PTGFRN: variants seen among roughly 807,000 people sequenced by gnomAD.
The protein encoded by PTGFRN is prostaglandin F2 receptor inhibitor, also known as prostaglandin F2 receptor negative regulator.
A neutral mutation model predicts 83.2 loss-of-function variants in PTGFRN; 35 were observed. That is an observed-to-expected ratio of 0.42 (90% CI 0.32 to 0.56). The LOEUF (loss-of-function observed/expected upper bound fraction) is 0.56. PTGFRN is among the 20% of genes least tolerant of loss of function. PTGFRN has a pLI of 0.11. For missense variants in PTGFRN, 1,051 were observed against 1,179.5 expected (o/e 0.89, Z 1.60); for synonymous variants, 519 against 498.6 (o/e 1.04, Z -0.55).
intron 7 of PTGFRN, among the ~76,000 whole-genome samples, chr1:116,978,277 C>T (rs577514028): frequency 2.0e-5 from 3 of 152,242 alleles, no homozygotes; most frequent in Admixed American, 1.3e-4. Context: ...GATTCACAGC[C>T]GAATTCTACC....
intron 4 of PTGFRN, among the ~76,000 whole-genome samples, chr1:116,950,656 C>T (rs1233491507): frequency 1.3e-5 from 2 of 151,260 alleles, no homozygotes; most frequent in East Asian, 3.9e-4. Flanking sequence ...TTTTTTTCCT[C>T]CCCAGTAAGC....
Position 116,942,068 on chromosome 1 carries a change from A to G in PTGFRN, c.403A>G (p.Thr135Ala), listed in dbSNP as rs771688649. The change falls in exon 2 of 9, where the codon ACA (threonine) becomes GCA (alanine). Residue 135 changes from threonine (T) to alanine (A), a missense_variant. Thr to Ala is a moderately conservative substitution (Grantham distance 58, BLOSUM62 0). Transcript: ENST00000393203. ...CACTGTCCAGGGAAACTATGAGGAC[A>G]CAGTGCAGGTTAAAGGTACAGTCCT... is the stretch of plus-strand genomic sequence containing the variant. ...DATVQGNYED[T>A]VQVKVLADSL... 6.2e-7 allele frequency: 1 copy of G among 1,613,508 alleles called. No individual in the cohort carries two copies. Among genetic ancestry groups the G allele is most frequent in the Non-Finnish European group, 8.5e-7 (1 of 1,179,540 alleles).
chr1:116,956,857 T>C (rs1287725304), intron 4 of PTGFRN, among the ~76,000 whole-genome samples: 1 of 152,186 alleles, frequency 6.6e-6, no homozygotes, highest in Non-Finnish European at 1.5e-5. Context: ...TCACTTCTAT[T>C]TGCAAATATT....
chr1:116,909,985 G>A lies in PTGFRN; in HGVS notation c.-219G>A. On this transcript the variant is annotated 5_prime_UTR_variant, in exon 1 of 9. Transcript: ENST00000393203. ...GCGGGGCCGGCTCCCGGGCCCGGCC[G>A]GCTGGAGGAGGGAGGGAAGGAGGCG... is the stretch of plus-strand genomic sequence containing the variant. The A allele has an allele frequency of 3.4e-6, 2 of 588,140 alleles. No individual in the cohort carries two copies. Among genetic ancestry groups the A allele is most frequent in the South Asian group, 1.9e-5 (1 of 51,394 alleles). 36.4% of individuals were successfully genotyped at this position (588,140 alleles called of 1,614,324 possible).
At chr1:116,927,054 T>C (rs1167114204) in intron 1 of PTGFRN, among the ~76,000 whole-genome samples, 1 of 152,128 alleles carries the variant, frequency 6.6e-6, no homozygotes, top group Non-Finnish European at 1.5e-5. Context: ...CTTGGGGTCA[T>C]GTTGGTCCAT....
intron 4 of PTGFRN, among the ~76,000 whole-genome samples, chr1:116,959,259 A>G (rs1282998214): frequency 2.0e-5 from 3 of 152,208 alleles, no homozygotes; most frequent in Non-Finnish European, 2.9e-5. Flanking sequence ...ATGAGCCTGT[A>G]AAATGAGCAG....
At chr1:116,964,195 A>G (rs1473942022) in intron 5 of PTGFRN, among the ~76,000 whole-genome samples, 1 of 152,158 alleles carries the variant, frequency 6.6e-6, no homozygotes, top group Non-Finnish European at 1.5e-5. Flanking sequence ...TGACGTATAT[A>G]TACTCAGTGT....
At chr1:116,946,626 A>G (rs1650208774) in intron 3 of PTGFRN, among the ~76,000 whole-genome samples, 1 of 152,216 alleles carries the variant, frequency 6.6e-6, no homozygotes, top group African/African-American at 2.4e-5. Context: ...TGAACTTATT[A>G]GGCAGGTAAT....
chr1:116,913,335 A>G (rs544218582), intron 1 of PTGFRN, among the ~76,000 whole-genome samples: 13 of 152,188 alleles, frequency 8.5e-5, no homozygotes, highest in Non-Finnish European at 1.3e-4. Flanking sequence ...GGAAAAGCCT[A>G]AAGTGTGGAT....
At chr1:116,914,330 G>A (rs1415214513) in intron 1 of PTGFRN, among the ~76,000 whole-genome samples, 1 of 152,230 alleles carries the variant, frequency 6.6e-6, no homozygotes, top group African/African-American at 2.4e-5. Flanking sequence ...GAGACTTTGG[G>A]CCCATGCCAC....
chr1:116,945,184 G>C, intron 3 of PTGFRN, 92 bp downstream of exon 3: 1 of 1,452,952 alleles, frequency 6.9e-7, no homozygotes, highest in Admixed American at 2.3e-5. Flanking sequence ...ATGGCCTTCT[G>C]ACAAGAACTG....
At position 116,944,984 on chromosome 1, in the gene PTGFRN, C is replaced by A. The variant is rs781654026; in HGVS notation, c.724C>A (p.Gln242Lys). The A allele has an allele frequency of 6.2e-7, 1 of 1,613,892 alleles. No individual in the cohort carries two copies. The highest frequency in any genetic ancestry group is 8.5e-7 in the Non-Finnish European group (1 of 1,180,028). The change falls in exon 3 of 9, where the codon CAG (glutamine) becomes AAG (lysine). Residue 242 changes from glutamine (Q) to lysine (K), a missense_variant. This residue lies in a region of PTGFRN where 205 missense variants were observed against 174.5 expected (regional missense o/e 1.17). Coordinates refer to ENST00000393203, the MANE Select transcript of PTGFRN (RefSeq NM_020440.4). ...AGTGTCCCGGGCTCTGTCTGCCGAC[C>A]AGGGCTCCTACAGGTGTATCGTCAG... ...LSVSRALSAD[Q>K]GSYRCIVSEW...
chr1:116,979,053 A>G (rs1407639270), intron 7 of PTGFRN, among the ~76,000 whole-genome samples: 3 of 152,192 alleles, frequency 2.0e-5, no homozygotes, highest in Non-Finnish European at 4.4e-5. Flanking sequence ...TGCAAAAATC[A>G]CAAGCATTCT....
chr1:116,980,957 C>T (rs1042279812), intron 7 of PTGFRN, among the ~76,000 whole-genome samples: 1 of 152,178 alleles, frequency 6.6e-6, no homozygotes. Context: ...GCAATTAATG[C>T]TATGAAGACA....
At chr1:116,951,956 G>A (rs1224796745) in intron 4 of PTGFRN, among the ~76,000 whole-genome samples, 1 of 152,168 alleles carries the variant, frequency 6.6e-6, no homozygotes, top group African/African-American at 2.4e-5. Context: ...CAGACAACCT[G>A]ACAAGCACTC....
At chr1:116,920,191 A>G (rs544957317) in intron 1 of PTGFRN, among the ~76,000 whole-genome samples, 2 of 152,312 alleles carry the variant, frequency 1.3e-5, no homozygotes, top group East Asian at 1.9e-4. Flanking sequence ...CTGCTGCCTG[A>G]TTGCAGCCCA....
chr1:116,949,317 A>T lies in PTGFRN; in HGVS notation c.958A>T (p.Met320Leu), dbSNP rs759841546. The change falls in exon 4 of 9, where the codon ATG becomes TTG. Residue 320 changes from methionine to leucine, a missense_variant. This residue lies in a region of PTGFRN where 719 missense variants were observed against 836.6 expected (regional missense o/e 0.86). Transcript: ENST00000393203. ...RPEVTWSFSR[M>L]PDSTLPGSRV... ...CGAGGTGACGTGGTCCTTCAGCAGG[A>T]TGCCTGACAGCACCCTACCTGGCTC... 4.6e-5 allele frequency: 75 copies of T among 1,614,152 alleles called. No individual in the cohort carries two copies. Among genetic ancestry groups the T allele is most frequent in the Non-Finnish European group, 6.4e-5 (75 of 1,180,060 alleles).
intron 4 of PTGFRN, among the ~76,000 whole-genome samples, chr1:116,959,115 A>G (rs1650576082): frequency 6.6e-6 from 1 of 152,160 alleles, no homozygotes; most frequent in African/African-American, 2.4e-5. Context: ...AGCATTCCTT[A>G]TCTTTTGCAT....
At position 116,949,314 on chromosome 1, in the gene PTGFRN, A is replaced by C; in HGVS notation, c.955A>C (p.Arg319=). ...VRPEVTWSFS[R]MPDSTLPGSR... Reference sequence around the variant, plus strand: ...GCCCGAGGTGACGTGGTCCTTCAGCAGGATGCCTGACAGCACCCTACCTGG... The same window carrying C: ...GCCCGAGGTGACGTGGTCCTTCAGCCGGATGCCTGACAGCACCCTACCTGG... The change falls in exon 4 of 9, where the codon AGG becomes CGG. Residue 319 remains arginine (R), a synonymous_variant. Coordinates refer to ENST00000393203, the MANE Select transcript of PTGFRN (RefSeq NM_020440.4). The C allele has an allele frequency of 6.2e-7, 1 of 1,614,262 alleles. No homozygotes were observed. Among genetic ancestry groups the C allele is most frequent in the Non-Finnish European group, 8.5e-7 (1 of 1,180,044 alleles).
Sources: allele counts gnomAD v4.1 joint callset (sites outside exome capture counted in the v4.1 genomes callset), GRCh38; gene constraint gnomAD v4.1.1; regional missense constraint gnomAD v4.1.1; transcripts MANE v1.5; gene names NCBI Gene and HGNC (gene_info 2026-07-23, HGNC 2026-07-21).